Variants in PHACTR3 observed in about 807,000 individuals in gnomAD.
PHACTR3 encodes phosphatase and actin regulator 3, also known as protein phosphatase 1, regulatory subunit 123.
PHACTR3 carries 16 observed loss-of-function variants against 66.8 expected under a neutral mutation model. That is an observed-to-expected ratio of 0.24 (90% CI 0.16 to 0.36). PHACTR3 has a LOEUF of 0.36. PHACTR3 is among the 10% of genes least tolerant of loss of function. PHACTR3 has a pLI of 1.00. For synonymous variants in PHACTR3, 323 were observed against 292.1 expected, an observed-to-expected ratio of 1.11 and a Z score of -1.08; for missense variants, 647 against 719.9, an observed-to-expected ratio of 0.90 and a Z score of 1.16.
Position 59,773,355 on chromosome 20 carries a change from G to T in PHACTR3, c.828G>T (p.Thr276=). 2 of 1,614,136 alleles carry T rather than the reference G, an allele frequency of 1.2e-6. No homozygotes were observed. Among genetic ancestry groups the T allele is most frequent in the East Asian group, 2.2e-5 (1 of 44,866 alleles). The change falls in exon 6 of 13, where the codon ACG becomes ACT. Residue 276 remains threonine, a synonymous_variant. Transcript: ENST00000371015. ...TCCGGGGCCAGCTCTCCACACCCAC[G>T]GGGTCTCCGCATCTCACCACGGTCC... is the stretch of plus-strand genomic sequence containing the variant. ...PSLRGQLSTP[T]GSPHLTTVHR... is the part of the protein sequence containing the mutation.
At chr20:59,748,551 G>C (rs2039456888) in intron 3 of PHACTR3, among the ~76,000 whole-genome samples, 1 of 152,220 alleles carries the variant, frequency 6.6e-6, no homozygotes, top group African/African-American at 2.4e-5. Flanking sequence ...TAACTGAACA[G>C]AGTTCTTTAA....
chr20:59,801,344 C>G (rs529292668), intron 7 of PHACTR3, among the ~76,000 whole-genome samples: 1 of 152,184 alleles, frequency 6.6e-6, no homozygotes, highest in Non-Finnish European at 1.5e-5. Context: ...ATTTCTAGCA[C>G]GTTGAAAACT....
At chr20:59,790,842 A>C (rs1386841571) in intron 7 of PHACTR3, among the ~76,000 whole-genome samples, 1 of 152,218 alleles carries the variant, frequency 6.6e-6, no homozygotes, top group Admixed American at 6.5e-5. Flanking sequence ...AAGGAATACT[A>C]TCTTTCCTTA....
chr20:59,618,057 CA>C (rs1270752918), intron 1 of PHACTR3, among the ~76,000 whole-genome samples: 1 of 152,174 alleles, frequency 6.6e-6, no homozygotes, highest in Non-Finnish European at 1.5e-5. Flanking sequence ...GGGAAGGGTC[CA>C]GGGGAGGGCA....
At chr20:59,674,735 G>GT (rs1414037111) in intron 1 of PHACTR3, among the ~76,000 whole-genome samples, 1 of 55,432 alleles carries the variant, frequency 1.8e-5, no homozygotes, top group African/African-American at 7.8e-5. Context: ...CCCTCCTCCT[G>GT]TTCCCCCCTT....
chr20:59,846,969 C>T, intron 12 of PHACTR3, 146 bp from the exon 13 acceptor site: 1 of 533,144 alleles, frequency 1.9e-6, no homozygotes, highest in South Asian at 2.9e-5. Flanking sequence ...CCTATTTTAA[C>T]CAGAGTAGCT....
At chr20:59,616,515 C>T (rs944787353) in intron 1 of PHACTR3, among the ~76,000 whole-genome samples, 9 of 152,328 alleles carry the variant, frequency 5.9e-5, no homozygotes, top group East Asian at 1.9e-4. Context: ...TGGCATGCAC[C>T]GGGAAGCTCC....
Position 59,797,369 on chromosome 20 carries a change from G to GT in PHACTR3, c.1175-8662dup, listed in dbSNP as rs146954073. Among the ~76,000 whole-genome samples, 311 of 146,396 alleles carry GT rather than the reference G, an allele frequency of 2.1e-3. 2 individuals are homozygous for GT. The highest frequency in any genetic ancestry group is 0.016 in the South Asian group (74 of 4,592). ...GGTCAGTTACTGGAGAATTATTGTG[G>GT]TTTTTTTTTTGGCAGCATCATGTTT... is the stretch of plus-strand genomic sequence containing the variant. On this transcript the variant is annotated intron_variant, in intron 7 of 12. Transcript: ENST00000371015.
chr20:59,841,576 T>C (rs200756697), intron 11 of PHACTR3, 41 bp downstream of exon 11: 1 of 1,579,420 alleles, frequency 6.3e-7, no homozygotes, highest in East Asian at 2.3e-5. Flanking sequence ...TTGGATGATA[T>C]AATAAAGGCA....
intron 1 of PHACTR3, among the ~76,000 whole-genome samples, chr20:59,618,525 G>A (rs1391963633): frequency 6.6e-6 from 1 of 152,222 alleles, no homozygotes; most frequent in Non-Finnish European, 1.5e-5. Context: ...CAGAAAAGGG[G>A]CTGGGACTAC....
chr20:59,800,297 C>G (rs2041373388), intron 7 of PHACTR3, among the ~76,000 whole-genome samples: 1 of 152,154 alleles, frequency 6.6e-6, no homozygotes, highest in East Asian at 1.9e-4. Context: ...TATCATCTTC[C>G]TTTTGCCTAA....
At chr20:59,802,484 C>T (rs2146986976) in intron 7 of PHACTR3, among the ~76,000 whole-genome samples, 1 of 152,318 alleles carries the variant, frequency 6.6e-6, no homozygotes, top group Middle Eastern at 3.4e-3. Flanking sequence ...GGTGTCCATG[C>T]TTCTGTGTGC....
intron 1 of PHACTR3, among the ~76,000 whole-genome samples, chr20:59,606,550 T>C (rs1459512017): frequency 6.6e-6 from 1 of 152,218 alleles, no homozygotes; most frequent in African/African-American, 2.4e-5. Flanking sequence ...CAGCACTCCA[T>C]GATGGATTGC....
chr20:59,643,323 T>C (rs2035171096), intron 1 of PHACTR3, among the ~76,000 whole-genome samples: 1 of 152,202 alleles, frequency 6.6e-6, no homozygotes, highest in African/African-American at 2.4e-5. Flanking sequence ...TGTAGTATTT[T>C]TTTTCCCATT....
chr20:59,791,918 A>G (rs1420090399), intron 7 of PHACTR3, among the ~76,000 whole-genome samples: 2 of 152,164 alleles, frequency 1.3e-5, no homozygotes, highest in East Asian at 1.9e-4. Context: ...GGGCTGTTTT[A>G]TGCTTATACA....
intron 1 of PHACTR3, among the ~76,000 whole-genome samples, chr20:59,704,562 C>CTTTTT (rs11331156): frequency 5.6e-5 from 5 of 89,470 alleles, no homozygotes; most frequent in East Asian, 3.4e-4. Context: ...TGAGAATAGT[C>CTTTTT]TTTTTTTTTT....
chr20:59,812,413 G>A (rs556560408), intron 8 of PHACTR3, among the ~76,000 whole-genome samples: 1 of 152,222 alleles, frequency 6.6e-6, no homozygotes, highest in South Asian at 2.1e-4. Flanking sequence ...GTGTCCTCCC[G>A]GGCTGTGGCC....
intron 7 of PHACTR3, among the ~76,000 whole-genome samples, chr20:59,788,867 A>G (rs974181992): frequency 5.3e-5 from 8 of 152,004 alleles, no homozygotes; most frequent in African/African-American, 1.9e-4. Flanking sequence ...TCACAGCCCC[A>G]CTCATTCAGA....
intron 1 of PHACTR3, among the ~76,000 whole-genome samples, chr20:59,696,796 C>T (rs371551825): frequency 3.9e-5 from 6 of 152,260 alleles, no homozygotes; most frequent in South Asian, 2.1e-4. Flanking sequence ...GGCAGGGCCT[C>T]GGCTCTGCTT....
Sources: gnomAD v4.1 joint callset for allele counts (sites outside exome capture counted in the v4.1 genomes callset) on GRCh38, gnomAD v4.1.1 for gene constraint, MANE v1.5 for transcripts, NCBI Gene and HGNC (gene_info 2026-07-23, HGNC 2026-07-21) for gene names.